The following PANK2 variants were observed in gnomAD, a reference collection of about 807,000 sequenced individuals.
PANK2 encodes pantothenate kinase 2, mitochondrial.
Under a neutral mutation model 43.1 loss-of-function variants are expected in PANK2, and 36 were observed. The ratio of observed to expected loss-of-function variants is 0.84; its 90% CI spans 0.64 to 1.10. The LOEUF (loss-of-function observed/expected upper bound fraction) is 1.10, where lower values mean the gene tolerates loss of function less well. Ranked by LOEUF, PANK2 falls within the 50% of genes least tolerant of loss-of-function variation. The probability of loss-of-function intolerance (pLI) is 0.00; values close to 1 mark genes in which losing one functional copy is unlikely to be tolerated. For synonymous variants in PANK2, 281 were observed against 238.2 expected (o/e 1.18, Z -1.66); for missense variants, 576 against 593.3 (o/e 0.97, Z 0.30).
At chr20:3,893,917 TTTG>T (rs2090162010) in intron 1 of PANK2, among the ~76,000 whole-genome samples, 1 of 129,744 alleles carries the variant, frequency 7.7e-6, no homozygotes. Context: ...GAGTTTTTTT[TTTG>T]TTTGTTTTTT....
chr20:3,894,307 C>G (rs1341611817), intron 1 of PANK2, among the ~76,000 whole-genome samples: 1 of 149,876 alleles, frequency 6.7e-6, no homozygotes, highest in African/African-American at 2.5e-5. Flanking sequence ...ATGGCGTGAT[C>G]TCGGCTCACC....
chr20:3,904,879 T>C (rs1002168114), intron 1 of PANK2, among the ~76,000 whole-genome samples: 1 of 152,226 alleles, frequency 6.6e-6, no homozygotes, highest in Non-Finnish European at 1.5e-5. Flanking sequence ...TAATCTCTGG[T>C]TTGAGAATTC....
At chr20:3,900,035 GT>G (rs879845693) in intron 1 of PANK2, among the ~76,000 whole-genome samples, 10 of 148,216 alleles carry the variant, frequency 6.7e-5, no homozygotes, top group Admixed American at 1.4e-4. Context: ...ACATGAGAGA[GT>G]TTTTTTTTTG....
In PANK2 at chr20:3,924,769, C is replaced by T. The variant is rs2090696727; in HGVS notation, c.*1475C>T. On this transcript the variant is annotated 3_prime_UTR_variant, in exon 7 of 7. Transcript: ENST00000610179. The stretch of plus-strand genomic sequence containing the variant: ...CAGCAGCGCTGTTGGTGGCCTCACC[C>T]TCCTCCAGTACCCAGGCACCAAAGA... The T allele has an allele frequency of 6.5e-6, 1 of 153,638 alleles. No individual in the cohort carries two copies. Among genetic ancestry groups the T allele is most frequent in the Admixed American group, 6.5e-5 (1 of 15,290 alleles). 9.5% of individuals were successfully genotyped at this position (153,638 alleles called of 1,614,324 possible). A position where few individuals can be genotyped will look rare whatever the true frequency, so the allele number is the denominator to read the frequency against.
chr20:3,898,850 AAC>A lies in PANK2; in HGVS notation c.299-9074_299-9073del, dbSNP rs2090252656. ...TTGCATGGTTTTGTTTGTTTTGGGA[AAC>A]AGTCTTGCTGGTCTTGAGTGTTTTT... On this transcript the variant is annotated intron_variant, in intron 1 of 6. Transcript: ENST00000610179. Among the ~76,000 whole-genome samples, 3 of 151,514 alleles carry A rather than the reference AAC, an allele frequency of 2.0e-5. No individual in the cohort carries two copies. The Admixed American group carries it at 2.0e-4, about 10-fold the overall frequency.
At chr20:3,894,081 A>C (rs2090166603) in intron 1 of PANK2, among the ~76,000 whole-genome samples, 1 of 150,934 alleles carries the variant, frequency 6.6e-6, no homozygotes, top group Non-Finnish European at 1.5e-5. Flanking sequence ...ACAGGCATGT[A>C]CCACCATGGC....
intron 3 of PANK2, among the ~76,000 whole-genome samples, chr20:3,911,253 C>T (rs1357831145): frequency 1.3e-5 from 2 of 152,142 alleles, no homozygotes; most frequent in East Asian, 3.9e-4. Flanking sequence ...TTGATATGTA[C>T]TGATCAGTAG....
At chr20:3,889,352 C>G (rs2090070171), upstream of PANK2, 1 of 1,585,926 alleles carries the variant, frequency 6.3e-7, no homozygotes, top group Admixed American at 1.8e-5. Flanking sequence ...CGCGTTGGCG[C>G]AACGGAAGAG....
In PANK2 at chr20:3,910,774, G is replaced by A. The variant is rs760020220; in HGVS notation, c.849G>A (p.Gly283=). 3 of 1,613,994 alleles carry A rather than the reference G, an allele frequency of 1.9e-6. No individual in the cohort carries two copies. The African/African-American group carries it at 4.0e-5, about 22-fold the overall frequency. The change falls in exon 3 of 7, where the codon GGG becomes GGA. Residue 283 remains glycine, a synonymous_variant. Coordinates refer to ENST00000610179, the MANE Select transcript of PANK2 (RefSeq NM_001386393.1). ...TGCTTCTGGTGAACATTGGCTCAGG[G>A]GTTAGCATCTTAGCAGTATATTCCA...
intron 2 of PANK2, among the ~76,000 whole-genome samples, chr20:3,908,482 T>C (rs1204636490): frequency 6.6e-6 from 1 of 152,146 alleles, no homozygotes; most frequent in African/African-American, 2.4e-5. Flanking sequence ...TCAGAACCAC[T>C]AAAAGGGTAG....
chr20:3,923,560 A>G lies in PANK2; in HGVS notation c.*266A>G, dbSNP rs2090679919. ...GCTGTATATAAGTTGCCTGCTTTGT[A>G]TTTTTGAAATCTCTGCATCACTCAT... On this transcript the variant is annotated 3_prime_UTR_variant, in exon 7 of 7. Coordinates refer to ENST00000610179, the MANE Select transcript of PANK2 (RefSeq NM_001386393.1). The G allele has an allele frequency of 1.9e-6, 1 of 530,138 alleles. No individual in the cohort carries two copies. Among genetic ancestry groups the G allele is most frequent in the Admixed American group, 3.2e-5 (1 of 31,700 alleles). The allele number at this position is 530,138 out of a possible 1,614,324, so 32.8% of individuals were successfully genotyped here.
chr20:3,905,456 C>T lies in PANK2; in HGVS notation c.299-2470C>T, dbSNP rs570472975. ...CCGCCTCCCGGGTTCATGCCATTCT[C>T]CTGCCTCAGCCTGCTGAGTAGCTGG... On this transcript the variant is annotated intron_variant, in intron 1 of 6. Transcript: ENST00000610179. Among the ~76,000 whole-genome samples, 61 of 151,260 alleles carry T rather than the reference C, an allele frequency of 4.0e-4. 2 individuals are homozygous for T. In the South Asian group the frequency reaches 0.013, roughly 31 times the overall value.
intron 1 of PANK2, among the ~76,000 whole-genome samples, chr20:3,895,178 G>A (rs927913170): frequency 1.3e-5 from 2 of 152,120 alleles, no homozygotes; most frequent in East Asian, 1.9e-4. Flanking sequence ...GGACGCTGAG[G>A]CAGGAGAATC....
At chr20:3,896,234 T>C (rs1300205149) in intron 1 of PANK2, among the ~76,000 whole-genome samples, 1 of 146,518 alleles carries the variant, frequency 6.8e-6, no homozygotes, top group African/African-American at 2.5e-5. Context: ...GGCTAATTTT[T>C]TTTTTTTTTT....
rs893075884 is a variant in PANK2, at chr20:3,924,888, G to C, written c.*1594G>C. 6.5e-6 allele frequency: 1 copy of C among 152,842 alleles called. No homozygotes were observed. The highest frequency in any genetic ancestry group is 1.5e-5 in the Non-Finnish European group (1 of 68,586). The allele number at this position is 152,842 out of a possible 1,614,324, so 9.5% of individuals were successfully genotyped here. A position where few individuals can be genotyped will look rare whatever the true frequency, so the allele number is the denominator to read the frequency against. ...ACTTCCCATGGAGACCGAGGCCAGG[G>C]CCTGCCCCTCTGAGGCCCCTGTTTT... On this transcript the variant is annotated 3_prime_UTR_variant, in exon 7 of 7. Coordinates refer to ENST00000610179, the MANE Select transcript of PANK2 (RefSeq NM_001386393.1).
intron 6 of PANK2, among the ~76,000 whole-genome samples, chr20:3,922,280 C>T (rs943941115): frequency 6.6e-6 from 1 of 152,200 alleles, no homozygotes; most frequent in Non-Finnish European, 1.5e-5. Flanking sequence ...CTGATTCTTG[C>T]TAGTGTTCTC....
rs767712182 is a variant in PANK2, at chr20:3,889,447, G to C, written c.17G>C (p.Gly6Ala). ...AATCCGACGCTGGGGGGCTTGCTCG[G>C]GCGGCAGCGACTGCTGCTGCGGATG... is the stretch of plus-strand genomic sequence containing the variant. Residue 6 changes from glycine (G) to alanine (A), a missense_variant, in exon 1 of 7, where the codon GGG becomes GCG. Around this residue, in one of 2 missense-constraint regions of PANK2, gnomAD observed 544 missense variants for 528.9 expected, o/e 1.03. Transcript: ENST00000610179. 56 of 1,552,754 alleles carry C rather than the reference G, an allele frequency of 3.6e-5. No individual in the cohort carries two copies. The highest frequency in any genetic ancestry group is 1.7e-4 in the Middle Eastern group (1 of 5,924).
At chr20:3,910,035 G>A (rs1281679886) in intron 2 of PANK2, among the ~76,000 whole-genome samples, 1 of 152,210 alleles carries the variant, frequency 6.6e-6, no homozygotes, top group African/African-American at 2.4e-5. Context: ...CCAAGAGGCT[G>A]TAGCTAGTTT....
rs752230661 is a variant in PANK2, at chr20:3,889,526, C to T, written c.96C>T (p.Thr32=). 21 of 1,427,922 alleles carry T rather than the reference C, an allele frequency of 1.5e-5. No homozygotes were observed. Among genetic ancestry groups the T allele is most frequent in the Middle Eastern group, 2.1e-4 (1 of 4,778 alleles). 88.5% of individuals were successfully genotyped at this position (1,427,922 alleles called of 1,614,324 possible). Residue 32 remains threonine (T), a synonymous_variant, in exon 1 of 7, where the codon ACC becomes ACT. Transcript: ENST00000610179. ...AGCGCCACGGCAGGGCTTCCGCCAC[C>T]TCCGTCTCGTCGGCTGGGGAGCAGG...
Sources: allele counts gnomAD v4.1 joint callset (sites outside exome capture counted in the v4.1 genomes callset), GRCh38; gene constraint gnomAD v4.1.1; regional missense constraint gnomAD v4.1.1; transcripts MANE v1.5; gene names NCBI Gene and HGNC (gene_info 2026-07-23, HGNC 2026-07-21).